The following LRRC2 variants were observed in gnomAD, a reference collection of about 807,000 sequenced individuals.
LRRC2 encodes the protein leucine-rich repeat-containing protein 2.
LRRC2 carries 27 observed loss-of-function variants against 40.2 expected under a neutral mutation model. The observed-to-expected ratio is 0.67, with a 90% CI of 0.49 to 0.93. LRRC2 has a LOEUF of 0.93. Ranked by LOEUF, LRRC2 falls within the 40% of genes least tolerant of loss-of-function variation. The pLI, the probability that LRRC2 is intolerant of heterozygous loss-of-function variation, is 0.00. For synonymous variants in LRRC2, 147 were observed against 158.9 expected (o/e 0.92, Z 0.56); for missense variants, 402 against 439.6 (o/e 0.91, Z 0.76).
In LRRC2 at chr3:46,525,090, T is replaced by C. The variant is rs574616123; in HGVS notation, c.929+2336A>G. Among the ~76,000 whole-genome samples the C allele has an allele frequency of 2.0e-3, 297 of 148,042 alleles. 1 individual carries two copies. The highest frequency in any genetic ancestry group is 6.8e-3 in the African/African-American group (273 of 40,312). ...GTACTGTAATTCTTTTTTTTTCTTT[T>C]TTTTTTTTTTTTTTTAGATAGAGTC... On this transcript the variant is annotated intron_variant, in intron 7 of 8. Coordinates refer to ENST00000395905, the MANE Select transcript of LRRC2 (RefSeq NM_024512.5).
chr3:46,554,655 A>G (rs116216836), intron 1 of LRRC2, among the ~76,000 whole-genome samples: 6,246 of 150,684 alleles, frequency 0.041, 466 homozygotes, highest in African/African-American at 0.15. Flanking sequence ...AAAAAAAAAA[A>G]AAGAAGAAGA....
chr3:46,523,675 C>A (rs1285745590), intron 7 of LRRC2, among the ~76,000 whole-genome samples: 1 of 152,108 alleles, frequency 6.6e-6, no homozygotes, highest in Non-Finnish European at 1.5e-5. Flanking sequence ...GCCCAACTAT[C>A]CACCCATCTA....
chr3:46,547,706 ATGTG>A (rs61273277), intron 2 of LRRC2, among the ~76,000 whole-genome samples: 81,594 of 149,682 alleles, frequency 0.55, 22,618 homozygotes, highest in East Asian at 0.87. Flanking sequence ...GTGTGTGTGT[ATGTG>A]TGTGTGTGTG....
intron 5 of LRRC2, among the ~76,000 whole-genome samples, chr3:46,531,738 G>A (rs1332338239): frequency 6.6e-6 from 1 of 152,084 alleles, no homozygotes; most frequent in Non-Finnish European, 1.5e-5. Context: ...CTCCTAGGGT[G>A]GAATGGGTGC....
At chr3:46,524,805 T>C (rs1443579775) in intron 7 of LRRC2, among the ~76,000 whole-genome samples, 2 of 152,182 alleles carry the variant, frequency 1.3e-5, no homozygotes, top group South Asian at 2.1e-4. Context: ...ATGTATACCA[T>C]ATATTTGTGA....
chr3:46,539,291 T>C (rs548216527), intron 3 of LRRC2, 90 bp from the exon 4 acceptor site: 1 of 1,294,020 alleles, frequency 7.7e-7, no homozygotes, highest in East Asian at 2.3e-5. Context: ...AAACAGGAAG[T>C]GAGAAAGCAG....
chr3:46,525,784 A>G (rs1343497129), intron 7 of LRRC2, among the ~76,000 whole-genome samples: 1 of 152,192 alleles, frequency 6.6e-6, no homozygotes, highest in East Asian at 1.9e-4. Flanking sequence ...TACCTTTTTC[A>G]AATATTCAAG....
chr3:46,527,665 A>G, intron 6 of LRRC2, 84 bp from the exon 7 acceptor site: 1 of 1,166,364 alleles, frequency 8.6e-7, no homozygotes, highest in Non-Finnish European at 1.3e-6. Flanking sequence ...AAATTCTAAC[A>G]GGAAGTCCCT....
chr3:46,522,529 T>C (rs1703981920), intron 7 of LRRC2, among the ~76,000 whole-genome samples: 1 of 151,442 alleles, frequency 6.6e-6, no homozygotes, highest in Non-Finnish European at 1.5e-5. Context: ...CTGGGCAACA[T>C]AGAGAGACTC....
intron 2 of LRRC2, among the ~76,000 whole-genome samples, chr3:46,549,295 T>C (rs753496810): frequency 6.6e-6 from 1 of 152,178 alleles, no homozygotes; most frequent in Admixed American, 6.5e-5. Flanking sequence ...AAACAGATCC[T>C]GAGAAACTAA....
chr3:46,526,834 G>A (rs980401870), intron 7 of LRRC2, among the ~76,000 whole-genome samples: 1 of 152,226 alleles, frequency 6.6e-6, no homozygotes, highest in Non-Finnish European at 1.5e-5. Flanking sequence ...GGCCCAAACC[G>A]CTAGGGATGG....
chr3:46,562,848 C>T (rs1203292219), intron 1 of LRRC2, among the ~76,000 whole-genome samples: 1 of 151,914 alleles, frequency 6.6e-6, no homozygotes, highest in African/African-American at 2.4e-5. Flanking sequence ...TCCTCAGCCT[C>T]CTGAGTAGCT....
At chr3:46,549,890 G>A (rs956254193) in intron 2 of LRRC2, among the ~76,000 whole-genome samples, 9 of 152,386 alleles carry the variant, frequency 5.9e-5, no homozygotes, top group African/African-American at 2.2e-4. Flanking sequence ...TCAAAGCAGG[G>A]CTGAGAGCTA....
chr3:46,527,098 G>C (rs960348591), intron 7 of LRRC2, among the ~76,000 whole-genome samples: 1 of 152,130 alleles, frequency 6.6e-6, no homozygotes, highest in African/African-American at 2.4e-5. Flanking sequence ...AACCAGGGAG[G>C]GTCCTTTCAA....
At chr3:46,549,685 C>A (rs1355760625) in intron 2 of LRRC2, among the ~76,000 whole-genome samples, 1 of 152,218 alleles carries the variant, frequency 6.6e-6, no homozygotes, top group Non-Finnish European at 1.5e-5. Flanking sequence ...GCAGATCCCA[C>A]TCCAAAGCAG....
In LRRC2 at chr3:46,533,754, TTCCC is replaced by T. The variant is rs374569433; in HGVS notation, c.491-849_491-846del. On this transcript the variant is annotated intron_variant, in intron 4 of 8. Transcript: ENST00000395905. The stretch of plus-strand genomic sequence containing the variant: ...CCTTCCTTCCTTCCTTCCTTCTTCC[TTCCC>T]TCCCTCCCTCCCTCTCTTTTCTTTC... 6.2e-3 allele frequency among the ~76,000 whole-genome samples: 748 copies of T among 120,426 alleles called. 11 individuals carry two copies. The highest frequency in any genetic ancestry group is 0.02 in the African/African-American group (678 of 33,204). 79.0% of individuals were successfully genotyped at this position (120,426 alleles called of 152,430 possible). A position where few individuals can be genotyped will look rare whatever the true frequency, so the allele number is the denominator to read the frequency against.
At chr3:46,531,555 G>A (rs1432337220) in intron 5 of LRRC2, among the ~76,000 whole-genome samples, 7 of 152,132 alleles carry the variant, frequency 4.6e-5, no homozygotes, top group Non-Finnish European at 4.4e-5. Context: ...ATTTATTTAT[G>A]GATTGGATAT....
At chr3:46,564,662 A>G (rs1262306763) in intron 1 of LRRC2, among the ~76,000 whole-genome samples, 1 of 152,162 alleles carries the variant, frequency 6.6e-6, no homozygotes, top group African/African-American at 2.4e-5. Flanking sequence ...GGGATGGAGC[A>G]GGAGAGGAGG....
chr3:46,558,031 C>G (rs981430544), intron 1 of LRRC2: 1 of 152,280 alleles, frequency 6.6e-6, no homozygotes, highest in Non-Finnish European at 1.5e-5. Flanking sequence ...CACAAGGGCT[C>G]TGTGTTCTGG....
Sources: allele counts gnomAD v4.1 joint callset (sites outside exome capture counted in the v4.1 genomes callset), GRCh38; gene constraint gnomAD v4.1.1; transcripts MANE v1.5; gene names NCBI Gene and HGNC (gene_info 2026-07-23, HGNC 2026-07-21).